CNTN4: variants seen among roughly 807,000 people sequenced by gnomAD.
The protein encoded by CNTN4 is contactin 4, also known as contactin-4.
A neutral mutation model predicts 122.5 loss-of-function variants in CNTN4; 77 were observed. The observed-to-expected ratio is 0.63, with a 90% CI of 0.52 to 0.76. CNTN4 has a LOEUF of 0.76. Among genes scored for constraint, CNTN4 ranks in the 30% least tolerant of loss-of-function variants. The pLI is 0.00. For missense variants in CNTN4, 1,256 were observed against 1,259.1 expected, an observed-to-expected ratio of 1.00 and a Z score of 0.04; for synonymous variants, 512 against 447.0, an observed-to-expected ratio of 1.15 and a Z score of -1.83.
chr3:2,951,895 A>G (rs1003668869), intron 13 of CNTN4, among the ~76,000 whole-genome samples: 1 of 152,314 alleles, frequency 6.6e-6, no homozygotes, highest in East Asian at 1.9e-4. Flanking sequence ...TGTGTCATGG[A>G]TCCCTGCACT....
At chr3:2,160,767 T>C (rs989046589) in intron 2 of CNTN4, among the ~76,000 whole-genome samples, 18 of 152,208 alleles carry the variant, frequency 1.2e-4, no homozygotes, top group African/African-American at 2.4e-5. Flanking sequence ...GGTTCAGGAA[T>C]GTATACGGTG....
intron 9 of CNTN4, among the ~76,000 whole-genome samples, chr3:2,884,074 T>A (rs896115080): frequency 2.0e-5 from 3 of 152,136 alleles, no homozygotes; most frequent in Admixed American, 6.6e-5. Flanking sequence ...TGCGCCCAAA[T>A]GTTGACTAAG....
intron 2 of CNTN4, among the ~76,000 whole-genome samples, chr3:2,103,466 C>G (rs1024787067): frequency 1.3e-5 from 2 of 152,186 alleles, no homozygotes; most frequent in Admixed American, 1.3e-4. Flanking sequence ...TTTTCAGGGT[C>G]TGTGCCTTGA....
intron 8 of CNTN4, among the ~76,000 whole-genome samples, chr3:2,870,733 C>G (rs2093774710): frequency 6.6e-6 from 1 of 152,198 alleles, no homozygotes. Context: ...CTGAGCTGAA[C>G]TAATTGCTAG....
intron 13 of CNTN4, among the ~76,000 whole-genome samples, chr3:2,932,354 A>G (rs916351444): frequency 5.9e-5 from 9 of 152,176 alleles, no homozygotes; most frequent in Non-Finnish European, 7.4e-5. Context: ...CTCCAGCCTG[A>G]GTGACAGAGC....
chr3:2,481,043 T>TTCTTTCTTTCTTTCTTTCTC lies in CNTN4; in HGVS notation c.-88-90365_-88-90346dup, dbSNP rs1559592696. Among the ~76,000 whole-genome samples, 279 of 141,726 alleles carry TTCTTTCTTTCTTTCTTTCTC rather than the reference T, an allele frequency of 2.0e-3. 1 individual carries two copies. The highest frequency in any genetic ancestry group is 7.6e-3 in the African/African-American group (270 of 35,582). 93.0% of individuals were successfully genotyped at this position (141,726 alleles called of 152,430 possible). A position where few individuals can be genotyped will look rare whatever the true frequency, so the allele number is the denominator to read the frequency against. ...TTTCTTTTCTTTTTCTTTTCTTTCTTTCTTTCTTTCTTTCTTTCTCTCTTT... is the reference window on the plus strand; with the variant it reads ...TTTCTTTTCTTTTTCTTTTCTTTCTTTCTTTCTTTCTTTCTTTCTCTCTTTCTTTCTTTCTTTCTCTCTTT... On this transcript the variant is annotated intron_variant, in intron 3 of 24. Coordinates refer to ENST00000418658, the MANE Select transcript of CNTN4 (RefSeq NM_175607.3).
At chr3:2,672,032 G>A (rs1047566947) in intron 4 of CNTN4, among the ~76,000 whole-genome samples, 15 of 152,220 alleles carry the variant, frequency 9.9e-5, no homozygotes, top group African/African-American at 3.4e-4. Context: ...CTACTGGGGG[G>A]TGCCTCCCAG....
At chr3:2,791,626 G>A (rs2092015079) in intron 6 of CNTN4, among the ~76,000 whole-genome samples, 1 of 152,120 alleles carries the variant, frequency 6.6e-6, no homozygotes, top group African/African-American at 2.4e-5. Context: ...CCTGATGCCT[G>A]ATGTATTACT....
intron 3 of CNTN4, among the ~76,000 whole-genome samples, chr3:2,402,112 G>A (rs1575557665): frequency 6.6e-6 from 1 of 152,078 alleles, no homozygotes; most frequent in Non-Finnish European, 1.5e-5. Flanking sequence ...CAAGACAACA[G>A]GCTTATGGAA....
At chr3:2,352,517 C>A (rs142944442) in intron 3 of CNTN4, among the ~76,000 whole-genome samples, 1 of 152,194 alleles carries the variant, frequency 6.6e-6, no homozygotes, top group South Asian at 2.1e-4. Flanking sequence ...CCCCTGGCAG[C>A]GAGAGGCTTA....
At chr3:2,286,958 C>A (rs1347852699) in intron 2 of CNTN4, among the ~76,000 whole-genome samples, 1 of 152,114 alleles carries the variant, frequency 6.6e-6, no homozygotes, top group Non-Finnish European at 1.5e-5. Flanking sequence ...ATGGATTAAG[C>A]GTTTGTAGGT....
chr3:2,723,063 C>G (rs114429320), intron 4 of CNTN4, among the ~76,000 whole-genome samples: 5,687 of 152,264 alleles, frequency 0.037, 162 homozygotes, highest in Non-Finnish European at 0.054. Flanking sequence ...TAGATTATCT[C>G]TCTTCCTAAG....
chr3:2,626,765 C>T (rs1465260057), intron 4 of CNTN4, among the ~76,000 whole-genome samples: 1 of 152,134 alleles, frequency 6.6e-6, no homozygotes, highest in Non-Finnish European at 1.5e-5. Context: ...TGGCATTCAC[C>T]TCTAATTTAA....
intron 2 of CNTN4, among the ~76,000 whole-genome samples, chr3:2,324,612 C>T (rs1559453501): frequency 3.3e-5 from 5 of 152,122 alleles, no homozygotes. Flanking sequence ...CTGTTTCCCT[C>T]CATCTATAGC....
At chr3:2,981,810 T>C (rs991104534) in intron 13 of CNTN4, among the ~76,000 whole-genome samples, 5 of 152,136 alleles carry the variant, frequency 3.3e-5, no homozygotes, top group African/African-American at 1.2e-4. Context: ...TTCGGGAGGC[T>C]GAGGCCCTCG....
At chr3:2,240,757 T>C (rs965617803) in intron 2 of CNTN4, among the ~76,000 whole-genome samples, 3 of 152,192 alleles carry the variant, frequency 2.0e-5, no homozygotes, top group African/African-American at 7.2e-5. Flanking sequence ...AATTTAGTTT[T>C]GAATACTAGA....
At chr3:2,899,758 G>T (rs1057180325) in intron 10 of CNTN4, among the ~76,000 whole-genome samples, 1 of 152,114 alleles carries the variant, frequency 6.6e-6, no homozygotes, top group Non-Finnish European at 1.5e-5. Context: ...CTGTGGGCAG[G>T]ACTTGATTTC....
In CNTN4 at chr3:2,496,212, A is replaced by T. The variant is rs192218252; in HGVS notation, c.-88-75204A>T. Among the ~76,000 whole-genome samples the T allele has an allele frequency of 2.5e-3, 381 of 152,290 alleles. 2 individuals are homozygous for T. The highest frequency in any genetic ancestry group is 3.1e-3 in the Non-Finnish European group (213 of 68,024). ...GCACTGTAAAATTCTACCAGTAGGA[A>T]AGCCATTTACTCTTGATGACGTCCG... On this transcript the variant is annotated intron_variant, in intron 3 of 24. Transcript: ENST00000418658.
intron 13 of CNTN4, among the ~76,000 whole-genome samples, chr3:2,947,243 G>T (rs2094688648): frequency 6.6e-6 from 1 of 152,168 alleles, no homozygotes; most frequent in Admixed American, 6.5e-5. Context: ...TAGTCAAAAA[G>T]ACCACACACT....
Sources: allele counts gnomAD v4.1 joint callset (sites outside exome capture counted in the v4.1 genomes callset), GRCh38; gene constraint gnomAD v4.1.1; transcripts MANE v1.5; gene names NCBI Gene and HGNC (gene_info 2026-07-23, HGNC 2026-07-21).